Variants in SEC14L1 observed in about 807,000 individuals in gnomAD.
SEC14L1 encodes SEC14 like lipid binding 1.
Under a neutral mutation model 85.3 loss-of-function variants are expected in SEC14L1, and 48 were observed. The observed-to-expected ratio is 0.56, with a 90% CI of 0.45 to 0.72. SEC14L1 has a LOEUF of 0.72. Among genes scored for constraint, SEC14L1 ranks in the 30% least tolerant of loss-of-function variants. The pLI is 0.00. For missense variants in SEC14L1, 682 were observed against 921.4 expected, an observed-to-expected ratio of 0.74 and a Z score of 3.36; for synonymous variants, 391 against 355.5, an observed-to-expected ratio of 1.10 and a Z score of -1.12.
intron 13 of SEC14L1, among the ~76,000 whole-genome samples, chr17:77,208,992 CTT>C (rs35705292): frequency 0.098 from 14,889 of 152,218 alleles, 972 homozygotes; most frequent in Middle Eastern, 0.16. Flanking sequence ...GAGCAAAACT[CTT>C]TTCTTAAAGT....
In SEC14L1 at chr17:77,123,515, G is replaced by A. The variant is rs148353947; in HGVS notation, c.-135-19131G>A. 9.0e-3 allele frequency among the ~76,000 whole-genome samples: 1,352 copies of A among 149,830 alleles called. 18 individuals are homozygous for A. The highest frequency in any genetic ancestry group is 0.028 in the African/African-American group (1,135 of 40,310). On this transcript the variant is annotated intron_variant, in intron 3 of 19. Transcript: ENST00000392476. ...CAACCTCCGCCTTCTGGGTTCAAGC[G>A]ATTCTCCCACCTCAGCCTCCTACGT...
chr17:77,143,832 C>T, intron 3 of SEC14L1, 173 bp downstream of exon 3: 1 of 447,798 alleles, frequency 2.2e-6, no homozygotes, highest in South Asian at 4.8e-5. Flanking sequence ...AAATACAAGC[C>T]TCTGAAAATA....
intron 3 of SEC14L1, among the ~76,000 whole-genome samples, chr17:77,147,381 A>C (rs906176458): frequency 6.6e-6 from 1 of 152,066 alleles, no homozygotes; most frequent in African/African-American, 2.4e-5. Flanking sequence ...ATTAAAAAAA[A>C]AACATGTTAA....
At chr17:77,166,531 T>C (rs372272852) in intron 3 of SEC14L1, among the ~76,000 whole-genome samples, 3 of 152,292 alleles carry the variant, frequency 2.0e-5, no homozygotes, top group East Asian at 3.9e-4. Flanking sequence ...GAAACACTTA[T>C]GTCATGGAAA....
intron 3 of SEC14L1, among the ~76,000 whole-genome samples, chr17:77,158,702 T>C (rs890315279): frequency 6.6e-6 from 1 of 152,010 alleles, no homozygotes; most frequent in African/African-American, 2.4e-5. Context: ...TGCTCATCCA[T>C]TGACTTACCG....
chr17:77,169,313 G>A (rs1037409616), intron 3 of SEC14L1, among the ~76,000 whole-genome samples: 4 of 152,194 alleles, frequency 2.6e-5, no homozygotes, highest in African/African-American at 9.7e-5. Flanking sequence ...CTGGAGGCCA[G>A]ATGGCCCTCG....
chr17:77,202,710 A>G (rs1263994516), intron 9 of SEC14L1, among the ~76,000 whole-genome samples: 1 of 152,150 alleles, frequency 6.6e-6, no homozygotes, highest in African/African-American at 2.4e-5. Context: ...GCCTGAGCTC[A>G]GGATTTTGAG....
intron 3 of SEC14L1, among the ~76,000 whole-genome samples, chr17:77,158,253 C>T (rs1239958938): frequency 2.0e-5 from 3 of 152,204 alleles, no homozygotes; most frequent in African/African-American, 7.2e-5. Context: ...GCAGCCACCA[C>T]CACCATCCAT....
chr17:77,151,871 T>A (rs1036303622), intron 3 of SEC14L1, among the ~76,000 whole-genome samples: 3 of 152,224 alleles, frequency 2.0e-5, no homozygotes, highest in Admixed American at 2.0e-4. Flanking sequence ...AATATTTTTA[T>A]CAGTTGTACC....
chr17:77,213,646 C>T lies in SEC14L1; in HGVS notation c.2042+154C>T. 1 of 947,226 alleles carries T rather than the reference C, an allele frequency of 1.1e-6. No individual in the cohort carries two copies. Among genetic ancestry groups the T allele is most frequent in the Non-Finnish European group, 1.6e-6 (1 of 608,824 alleles). 58.7% of individuals were successfully genotyped at this position (947,226 alleles called of 1,614,324 possible). Reference sequence around the variant, plus strand: ...GAGTGGCTTTGGGGTCATTTGTTGGCACGGTGACTCCCTGCCTGTCTGCAG... The same window carrying T: ...GAGTGGCTTTGGGGTCATTTGTTGGTACGGTGACTCCCTGCCTGTCTGCAG... On this transcript the variant is annotated intron_variant, in intron 16 of 16. Coordinates refer to ENST00000436233, the MANE Select transcript of SEC14L1 (RefSeq NM_001143998.2). This position sits in a 1 kb window ranked among gnomAD's most constrained non-coding sequence, Gnocchi z 7.1.
chr17:77,183,832 CA>C (rs1975149514), intron 3 of SEC14L1, among the ~76,000 whole-genome samples: 2 of 137,784 alleles, frequency 1.5e-5, no homozygotes, highest in South Asian at 4.3e-4. Flanking sequence ...AAGACTCTGA[CA>C]TTTTTTTTTT....
At chr17:77,192,570 G>T (rs1420916132) in intron 5 of SEC14L1, among the ~76,000 whole-genome samples, 1 of 151,982 alleles carries the variant, frequency 6.6e-6, no homozygotes, top group Non-Finnish European at 1.5e-5. Context: ...TACGTCTCTA[G>T]TCTCACCTCC....
intron 3 of SEC14L1, among the ~76,000 whole-genome samples, chr17:77,126,993 A>AT (rs991192700): frequency 5.6e-5 from 8 of 143,720 alleles, no homozygotes; most frequent in African/African-American, 2.1e-4. Flanking sequence ...ATTTTTATTT[A>AT]TTTTTTTTCT....
Position 77,214,220 on chromosome 17 carries a change from C to G in SEC14L1, c.*197C>G, listed in dbSNP as rs1340562862. The stretch of plus-strand genomic sequence containing the variant: ...AGTTTTAACTCTGATCCTAACTTAA[C>G]TCAATAGCCATAGATTTTGTATACG... On this transcript the variant is annotated 3_prime_UTR_variant, in exon 17 of 17. Transcript: ENST00000436233. 3 of 1,389,396 alleles carry G rather than the reference C, an allele frequency of 2.2e-6. No homozygotes were observed. Among genetic ancestry groups the G allele is most frequent in the Non-Finnish European group, 1.9e-6 (2 of 1,075,306 alleles). The allele number at this position is 1,389,396 out of a possible 1,614,324, so 86.1% of individuals were successfully genotyped here. A position where few individuals can be genotyped will look rare whatever the true frequency, so the allele number is the denominator to read the frequency against.
At chr17:77,141,439 C>G (rs1048542075) in intron 1 of SEC14L1, 1 of 151,278 alleles carries the variant, frequency 6.6e-6, no homozygotes, top group African/African-American at 2.4e-5. Context: ...CCCTCTCTCC[C>G]GTCGGTCGGG....
At position 77,214,321 on chromosome 17, in the gene SEC14L1, C is replaced by T. The variant is rs1038970397; in HGVS notation, c.*298C>T. 3 of 1,134,750 alleles carry T rather than the reference C, an allele frequency of 2.6e-6. No homozygotes were observed. Among genetic ancestry groups the T allele is most frequent in the Admixed American group, 4.5e-5 (1 of 22,326 alleles). The allele number at this position is 1,134,750 out of a possible 1,614,324, so 70.3% of individuals were successfully genotyped here. On this transcript the variant is annotated 3_prime_UTR_variant, in exon 17 of 17. Coordinates refer to ENST00000436233, the MANE Select transcript of SEC14L1 (RefSeq NM_001143998.2). ...GTTTCTGTACCAATTAAAGGATTGACGTGGTCTCAGATATTGATGCAAAAA... is the reference window on the plus strand; with the variant it reads ...GTTTCTGTACCAATTAAAGGATTGATGTGGTCTCAGATATTGATGCAAAAA...
chr17:77,143,839 A>C (rs1973160798), intron 3 of SEC14L1, 180 bp downstream of exon 3: 1 of 444,286 alleles, frequency 2.3e-6, no homozygotes, highest in East Asian at 3.6e-5. Flanking sequence ...AGCCTCTGAA[A>C]ATAAAAATCT....
chr17:77,214,057 A>T lies in SEC14L1; in HGVS notation c.*34A>T. 2.5e-6 allele frequency: 4 copies of T among 1,594,768 alleles called. No homozygotes were observed. Among genetic ancestry groups the T allele is most frequent in the Middle Eastern group, 2.2e-4 (1 of 4,494 alleles). On this transcript the variant is annotated 3_prime_UTR_variant, in exon 17 of 17. Coordinates refer to ENST00000436233, the MANE Select transcript of SEC14L1 (RefSeq NM_001143998.2). Reference sequence around the variant, plus strand: ...TGCCTGCACCTAGTGTGCAGAGGGGACGGCCGCCCCTCCTCGGACAGCCAG... The same window carrying T: ...TGCCTGCACCTAGTGTGCAGAGGGGTCGGCCGCCCCTCCTCGGACAGCCAG...
At position 77,215,144 on chromosome 17, in the gene SEC14L1, A is replaced by C. The variant is rs542496331; in HGVS notation, c.*1121A>C. 1.0e-6 allele frequency: 1 copy of C among 985,178 alleles called. No homozygotes were observed. The highest frequency in any genetic ancestry group is 1.8e-5 in the African/African-American group (1 of 57,132). The allele number at this position is 985,178 out of a possible 1,614,324, so 61.0% of individuals were successfully genotyped here. ...GGGGGGACGGGGTGAGTGGAAACTT[A>C]GTTTGAGTAATGAAGGAATCTTCAC... On this transcript the variant is annotated 3_prime_UTR_variant, in exon 17 of 17. Transcript: ENST00000436233.
Sources: allele counts gnomAD v4.1 joint callset (sites outside exome capture counted in the v4.1 genomes callset), GRCh38; gene constraint gnomAD v4.1.1; non-coding constraint Gnocchi (gnomAD v3.1); transcripts MANE v1.5; gene names NCBI Gene and HGNC (gene_info 2026-07-23, HGNC 2026-07-21).